The following ATM variants were observed in gnomAD, a reference collection of about 807,000 sequenced individuals.
The protein encoded by ATM is serine-protein kinase ATM.
ATM carries 308 observed loss-of-function variants against 387.0 expected under a neutral mutation model. That is an observed-to-expected ratio of 0.80 (90% CI 0.73 to 0.87). The LOEUF (loss-of-function observed/expected upper bound fraction) is 0.87. ATM is among the 40% of genes least tolerant of loss of function. The pLI is 0.00. For synonymous variants in ATM, 1,156 were observed against 1,187.3 expected, an observed-to-expected ratio of 0.97 and a Z score of 0.54; for missense variants, 3,312 against 3,560.9, an observed-to-expected ratio of 0.93 and a Z score of 1.78.
Position 108,248,845 on chromosome 11 carries a change from G to A in ATM, c.1066-88G>A, listed in dbSNP as rs2135287016. 4 of 1,137,452 alleles carry A rather than the reference G, an allele frequency of 3.5e-6. No homozygotes were observed. In the South Asian group the frequency reaches 5.8e-5, roughly 16 times the overall value. 70.5% of individuals were successfully genotyped at this position (1,137,452 alleles called of 1,614,324 possible). A position where few individuals can be genotyped will look rare whatever the true frequency, so the allele number is the denominator to read the frequency against. On this transcript the variant is annotated intron_variant, in intron 8 of 62. Transcript: ENST00000675843. ...AGAGGTTGTGGTGATACGAGATCGT[G>A]CTGTTCCACTCCAACCTGGGCAACA...
Position 108,248,334 on chromosome 11 carries a change from G to C in ATM, c.1066-599G>C, listed in dbSNP as rs541389434. 7.2e-4 allele frequency among the ~76,000 whole-genome samples: 109 copies of C among 152,102 alleles called. 1 individual carries two copies. Among genetic ancestry groups the C allele is most frequent in the Non-Finnish European group, 1.0e-3 (68 of 67,992 alleles). On this transcript the variant is annotated intron_variant, in intron 8 of 62. Transcript: ENST00000675843. ...TAAATTTAAAAACTTGAATCCCTTT[G>C]AAAGTAAAGGTTTTTGCTTTACTTT...
chr11:108,313,010 A>G (rs912505213), intron 40 of ATM, among the ~76,000 whole-genome samples: 1 of 152,138 alleles, frequency 6.6e-6, no homozygotes, highest in Non-Finnish European at 1.5e-5. Flanking sequence ...CTTCTCTTCT[A>G]TGCCGCTGCT....
chr11:108,317,539 ATTTT>A lies in ATM; in HGVS notation c.6347+28_6347+31del, dbSNP rs58978479. 5.3e-6 allele frequency: 7 copies of A among 1,318,348 alleles called. No homozygotes were observed. Among genetic ancestry groups the A allele is most frequent in the Middle Eastern group, 1.9e-4 (1 of 5,166 alleles). 81.7% of individuals were successfully genotyped at this position (1,318,348 alleles called of 1,614,324 possible). A position where few individuals can be genotyped will look rare whatever the true frequency, so the allele number is the denominator to read the frequency against. On this transcript the variant is annotated intron_variant, in intron 43 of 62. Coordinates refer to ENST00000675843, the MANE Select transcript of ATM (RefSeq NM_000051.4). ...TCCGTCAGGTAAGAAATTTGACTTG[ATTTT>A]TTTTTTTTTGCCTCTCTCCTCATTC... is the stretch of plus-strand genomic sequence containing the variant.
rs933661806 is a variant in ATM at position 108,297,254 on chromosome 11, A to G, written c.4910-33A>G. The G allele has an allele frequency of 2.6e-6, 4 of 1,533,034 alleles. No individual in the cohort carries two copies. In the Admixed American group the frequency reaches 6.7e-5, roughly 26 times the overall value. 95.0% of individuals were successfully genotyped at this position (1,533,034 alleles called of 1,614,324 possible). On this transcript the variant is annotated intron_variant, in intron 32 of 62. Coordinates refer to ENST00000675843, the MANE Select transcript of ATM (RefSeq NM_000051.4). ...TAAACAAAAGTGTTGTCTTCATGCT[A>G]GTTTAAACTAATTTTTAAAAAATTA...
intron 22 of ATM, 69 bp downstream of exon 22, chr11:108,272,921 C>T: frequency 1.3e-6 from 2 of 1,590,666 alleles, no homozygotes; most frequent in South Asian, 1.1e-5. Flanking sequence ...TACATAGTAA[C>T]AGCTCACAGT....
intron 18 of ATM, 21 bp downstream of exon 18, chr11:108,268,630 A>C: frequency 6.2e-7 from 1 of 1,609,716 alleles, no homozygotes; most frequent in Middle Eastern, 1.7e-4. Flanking sequence ...TTAAATGAAG[A>C]AGCTCTTGGA....
intron 25 of ATM, among the ~76,000 whole-genome samples, chr11:108,283,672 G>A (rs563081631): frequency 2.7e-4 from 41 of 152,044 alleles, no homozygotes; most frequent in Middle Eastern, 3.2e-3. Flanking sequence ...CTGTATATGC[G>A]AGGGATTCAT....
intron 26 of ATM, among the ~76,000 whole-genome samples, chr11:108,285,088 T>C (rs1268372814): frequency 1.3e-5 from 2 of 152,118 alleles, no homozygotes; most frequent in East Asian, 3.9e-4. Context: ...GCCACCCAAG[T>C]AGCTGGGACT....
rs1218815157 is a variant in ATM, at chr11:108,245,028, T to G, written c.901+2T>G. ...AAGGAGCCAAAACCCAAGAAAAAGG[T>G]ATAAAGGAAATGTTTACTGTTTTGA... On this transcript the variant is annotated splice_donor_variant, in intron 7 of 62. Transcript: ENST00000675843. LOFTEE classifies it high-confidence loss of function. 6.3e-7 allele frequency: 1 copy of G among 1,596,132 alleles called. No individual in the cohort carries two copies. Among genetic ancestry groups the G allele is most frequent in the South Asian group, 1.1e-5 (1 of 90,776 alleles).
Position 108,310,285 on chromosome 11 carries a change from A to G in ATM, c.5888A>G (p.Asp1963Gly), listed in dbSNP as rs1555110484. The G allele has an allele frequency of 6.2e-7, 1 of 1,613,566 alleles. No individual in the cohort carries two copies. The highest frequency in any genetic ancestry group is 8.5e-7 in the Non-Finnish European group (1 of 1,179,706). ...TTACTCTATGCAGAAATCTATGCAG[A>G]TAAGAAAAGTATGGATGATCAAGAG... ...TALLYAEIYA[D>G]KKSMDDQEKR... The change falls in exon 39 of 63, where the codon GAT (aspartate) becomes GGT (glycine). Residue 1963 changes from aspartate (D) to glycine (G), a missense_variant. Physicochemically the swap from Asp to Gly is moderately conservative, Grantham distance 94 (BLOSUM62 -1). Around this residue, in one of 4 missense-constraint regions of ATM, gnomAD observed 1,405 missense variants for 1,604.4 expected, o/e 0.88. Coordinates refer to ENST00000675843, the MANE Select transcript of ATM (RefSeq NM_000051.4).
At chr11:108,330,471 C>A (rs1591162345) in intron 50 of ATM, 50 bp downstream of exon 50, 1 of 1,574,452 alleles carries the variant, frequency 6.4e-7, no homozygotes, top group Non-Finnish European at 8.7e-7. Context: ...AAAACTTAGA[C>A]ATAAGCCCCT....
intron 16 of ATM, among the ~76,000 whole-genome samples, chr11:108,260,625 T>C (rs1427959296): frequency 6.6e-6 from 1 of 152,122 alleles, no homozygotes; most frequent in Non-Finnish European, 1.5e-5. Context: ...AGAAATAATT[T>C]TGAGGGAGGA....
chr11:108,292,153 T>C (rs2082829085), intron 29 of ATM, among the ~76,000 whole-genome samples: 1 of 152,196 alleles, frequency 6.6e-6, no homozygotes, highest in African/African-American at 2.4e-5. Flanking sequence ...ACATATACAA[T>C]AGTTTGCAAC....
rs2080039401 is a variant in ATM at position 108,249,828 on chromosome 11, C to G, written c.1235+726C>G. ...GGGAAAAGCATATTGATTTAGATACCTATTGCTTAAGCTCATTTTTATATA... is the reference window on the plus strand; with the variant it reads ...GGGAAAAGCATATTGATTTAGATACGTATTGCTTAAGCTCATTTTTATATA... On this transcript the variant is annotated intron_variant, in intron 9 of 62. Coordinates refer to ENST00000675843, the MANE Select transcript of ATM (RefSeq NM_000051.4). Among the ~76,000 whole-genome samples the G allele has an allele frequency of 2.6e-5, 4 of 152,076 alleles. 1 individual carries two copies. The highest frequency in any genetic ancestry group is 2.6e-4 in the Admixed American group (4 of 15,262).
In ATM at chr11:108,227,789, A is replaced by C. The variant is rs147009251; in HGVS notation, c.86A>C (p.Lys29Thr). The C allele has an allele frequency of 1.2e-6, 2 of 1,613,762 alleles. No homozygotes were observed. Among genetic ancestry groups the C allele is most frequent in the African/African-American group, 2.7e-5 (2 of 75,034 alleles). The change falls in exon 3 of 63, where the codon AAA (lysine) becomes ACA (threonine). Residue 29 changes from lysine (K) to threonine (T), a missense_variant. Coordinates refer to ENST00000675843, the MANE Select transcript of ATM (RefSeq NM_000051.4). ...TTTTATTTTCAGAAAGAAGTTGAGAAATTTAAGCGCCTGATTCGAGATCCT... is the reference window on the plus strand; with the variant it reads ...TTTTATTTTCAGAAAGAAGTTGAGACATTTAAGCGCCTGATTCGAGATCCT... ...RATERKKEVE[K>T]FKRLIRDPET...
At chr11:108,236,846 A>T (rs2079304347) in intron 5 of ATM, among the ~76,000 whole-genome samples, 1 of 152,164 alleles carries the variant, frequency 6.6e-6, no homozygotes, top group African/African-American at 2.4e-5. Flanking sequence ...GAAATACTTC[A>T]GTTTGTTGGT....
chr11:108,316,585 T>G (rs528485347), intron 42 of ATM, among the ~76,000 whole-genome samples: 1 of 152,116 alleles, frequency 6.6e-6, no homozygotes, highest in Admixed American at 6.5e-5. Flanking sequence ...TTGTGTTTTT[T>G]GGGAAACATT....
chr11:108,257,363 T>C, intron 14 of ATM, 118 bp from the exon 15 acceptor site: 3 of 1,239,604 alleles, frequency 2.4e-6, no homozygotes, highest in Non-Finnish European at 3.3e-6. Flanking sequence ...TCATTTTTTC[T>C]CTTAAGTGCA....
chr11:108,359,577 A>G (rs551069404), intron 61 of ATM, among the ~76,000 whole-genome samples: 260 of 152,324 alleles, frequency 1.7e-3, no homozygotes, highest in Non-Finnish European at 3.1e-3. Context: ...GTAAAAGAAC[A>G]GAGATTATAA....
Sources: gnomAD v4.1 joint callset for allele counts (sites outside exome capture counted in the v4.1 genomes callset) on GRCh38, gnomAD v4.1.1 for gene constraint, gnomAD v4.1.1 regional missense constraint, MANE v1.5 for transcripts, NCBI Gene and HGNC (gene_info 2026-07-23, HGNC 2026-07-21) for gene names.